Variants in UST observed in about 807,000 individuals in gnomAD.
UST encodes chondroitin sulfate 2-O-sulfotransferase.
UST carries 21 observed loss-of-function variants against 45.6 expected under a neutral mutation model. That is an observed-to-expected ratio of 0.46 (90% CI 0.33 to 0.66). The LOEUF is 0.66. Ranked by LOEUF, UST falls within the 30% of genes least tolerant of loss-of-function variation. The pLI is 0.02. For missense variants in UST, 463 were observed against 512.4 expected, an observed-to-expected ratio of 0.90 and a Z score of 0.93; for synonymous variants, 215 against 200.6, an observed-to-expected ratio of 1.07 and a Z score of -0.61.
intron 1 of UST, among the ~76,000 whole-genome samples, chr6:148,791,393 C>A (rs1029360949): frequency 6.6e-6 from 1 of 152,166 alleles, no homozygotes; most frequent in African/African-American, 2.4e-5. Context: ...AGACAATCTT[C>A]CGTATTAAAA....
chr6:148,976,112 A>G (rs1781011543), intron 5 of UST, among the ~76,000 whole-genome samples: 1 of 152,254 alleles, frequency 6.6e-6, no homozygotes, highest in South Asian at 2.1e-4. Context: ...TTGAAAAATT[A>G]CAAGTAAAAT....
At chr6:148,763,622 T>C (rs763492485) in intron 1 of UST, among the ~76,000 whole-genome samples, 1 of 152,236 alleles carries the variant, frequency 6.6e-6, no homozygotes, top group Non-Finnish European at 1.5e-5. Context: ...AGGATTCTTA[T>C]AGTTTCAGGT....
At chr6:148,840,019 A>G (rs932934309) in intron 1 of UST, among the ~76,000 whole-genome samples, 5 of 152,198 alleles carry the variant, frequency 3.3e-5, no homozygotes, top group South Asian at 2.1e-4. Context: ...ATTGAAGGGA[A>G]TGTTGTCTGA....
intron 2 of UST, among the ~76,000 whole-genome samples, chr6:148,924,822 T>C (rs1344707066): frequency 6.6e-6 from 1 of 152,144 alleles, no homozygotes; most frequent in Non-Finnish European, 1.5e-5. Context: ...CCAGGCTGCA[T>C]GAATTCAGGA....
chr6:148,747,339 A>T lies in UST; in HGVS notation c.-92A>T. On this transcript the variant is annotated 5_prime_UTR_variant, in exon 1 of 8. An upstream start codon of the reference 5' UTR is lost. Transcript: ENST00000367463. ...GGCTGCCCTCCGCGCGGCCCTCCCCATGTGCAGCCGGCCAGCCGGGCTCTC... is the reference window on the plus strand; with the variant it reads ...GGCTGCCCTCCGCGCGGCCCTCCCCTTGTGCAGCCGGCCAGCCGGGCTCTC... 1.5e-6 allele frequency: 2 copies of T among 1,338,836 alleles called. No homozygotes were observed. The highest frequency in any genetic ancestry group is 1.9e-6 in the Non-Finnish European group (2 of 1,040,034). The allele number at this position is 1,338,836 out of a possible 1,614,324, so 82.9% of individuals were successfully genotyped here.
At chr6:148,850,430 T>A (rs556858119) in intron 1 of UST, among the ~76,000 whole-genome samples, 1 of 152,352 alleles carries the variant, frequency 6.6e-6, no homozygotes, top group South Asian at 2.1e-4. Flanking sequence ...GCACATTTCA[T>A]CTACGGAGAG....
intron 1 of UST, among the ~76,000 whole-genome samples, chr6:148,827,094 C>T (rs1375204521): frequency 6.6e-6 from 1 of 152,140 alleles, no homozygotes; most frequent in African/African-American, 2.4e-5. Flanking sequence ...TTGTTGATAC[C>T]GCCTGAAATG....
At chr6:148,961,193 G>A (rs1780650435) in intron 4 of UST, among the ~76,000 whole-genome samples, 1 of 152,350 alleles carries the variant, frequency 6.6e-6, no homozygotes, top group East Asian at 1.9e-4. Flanking sequence ...TGCTTACAGA[G>A]TCGGGGAATA....
At position 149,021,357 on chromosome 6, in the gene UST, G is replaced by A. The variant is rs554354173; in HGVS notation, c.813G>A (p.Lys271=). 391 of 1,613,984 alleles carry A rather than the reference G, an allele frequency of 2.4e-4. 6 individuals are homozygous for A. In the South Asian group the frequency reaches 3.9e-3, roughly 16 times the overall value. The change falls in exon 7 of 8, where the codon AAG becomes AAA. Residue 271 remains lysine (K), a synonymous_variant. Coordinates refer to ENST00000367463, the MANE Select transcript of UST (RefSeq NM_005715.3). ...EPGEWALERA[K]LNVNENFLLV... ...GTGAATGGGCCCTTGAGAGAGCAAA[G>A]CTGAACGTGAATGAAAACTTCCTGC...
At chr6:149,056,839 T>C (rs913713114) in intron 7 of UST, among the ~76,000 whole-genome samples, 1 of 152,240 alleles carries the variant, frequency 6.6e-6, no homozygotes, top group Non-Finnish European at 1.5e-5. Context: ...GGAATGGTTA[T>C]TTTGAGTAGC....
chr6:148,843,839 G>A (rs746742235), intron 1 of UST, among the ~76,000 whole-genome samples: 3 of 151,836 alleles, frequency 2.0e-5, no homozygotes, highest in Non-Finnish European at 2.9e-5. Context: ...TTTGTGTTTT[G>A]TTTTTTTTCT....
chr6:149,005,500 A>C, intron 5 of UST: 1 of 985,404 alleles, frequency 1.0e-6, no homozygotes, highest in Non-Finnish European at 1.2e-6. Flanking sequence ...AACTTTGCTC[A>C]TTTAATGAGA....
In UST at chr6:148,852,954, CTTCTT is replaced by C. The variant is rs372704818; in HGVS notation, c.248-34019_248-34015del. Among the ~76,000 whole-genome samples the C allele has an allele frequency of 1.2e-4, 18 of 152,244 alleles. No homozygotes were observed. The East Asian group carries it at 1.7e-3, about 15-fold the overall frequency. On this transcript the variant is annotated intron_variant, in intron 1 of 7. Transcript: ENST00000367463. The stretch of plus-strand genomic sequence containing the variant: ...CTGTTGAATGAATGAGGACACTTGT[CTTCTT>C]TTCTTTTCTTTTAAAATTCTGGGGT...
chr6:148,807,897 C>T (rs1396289469), intron 1 of UST, among the ~76,000 whole-genome samples: 1 of 152,170 alleles, frequency 6.6e-6, no homozygotes, highest in African/African-American at 2.4e-5. Context: ...CCCCTGAACT[C>T]ACTTTCTAGC....
intron 1 of UST, among the ~76,000 whole-genome samples, chr6:148,836,163 C>T (rs1192743323): frequency 6.6e-6 from 1 of 152,210 alleles, no homozygotes; most frequent in Non-Finnish European, 1.5e-5. Context: ...ATCTGCTTGA[C>T]AGCACTCTCA....
intron 1 of UST, among the ~76,000 whole-genome samples, chr6:148,865,702 GT>G (rs758367479): frequency 0.022 from 3,192 of 147,244 alleles, 115 homozygotes; most frequent in African/African-American, 0.07. Context: ...GTGTGTGTGT[GT>G]GTGTGTGTGT....
At chr6:148,899,643 G>A (rs1340975131) in intron 2 of UST, among the ~76,000 whole-genome samples, 27 of 152,182 alleles carry the variant, frequency 1.8e-4, no homozygotes, top group Non-Finnish European at 1.5e-5. Flanking sequence ...TATTTCATCA[G>A]TCCTTGTATG....
intron 2 of UST, among the ~76,000 whole-genome samples, chr6:148,920,219 T>C (rs1216093478): frequency 6.9e-6 from 1 of 144,554 alleles, no homozygotes; most frequent in African/African-American, 2.9e-5. Flanking sequence ...CAATTATGTT[T>C]CCATTCATTT....
intron 2 of UST, among the ~76,000 whole-genome samples, chr6:148,939,074 A>T (rs1176159252): frequency 6.6e-6 from 1 of 152,144 alleles, no homozygotes. Context: ...TATTTTTACC[A>T]ATCAGTCCAA....
Sources: allele counts gnomAD v4.1 joint callset (sites outside exome capture counted in the v4.1 genomes callset), GRCh38; gene constraint gnomAD v4.1.1; transcripts MANE v1.5; gene names NCBI Gene and HGNC (gene_info 2026-07-23, HGNC 2026-07-21).